Variants in CERCAM observed in about 807,000 individuals in gnomAD.
CERCAM encodes the protein inactive glycosyltransferase 25 family member 3.
A neutral mutation model predicts 66.0 loss-of-function variants in CERCAM; 59 were observed. The ratio of observed to expected loss-of-function variants is 0.89; its 90% CI spans 0.73 to 1.11. The LOEUF (loss-of-function observed/expected upper bound fraction) is 1.11. CERCAM is among the 50% of genes most tolerant of loss of function. The pLI is 0.00. For missense variants in CERCAM, 840 were observed against 828.3 expected (o/e 1.01, Z -0.17); for synonymous variants, 318 against 343.6 (o/e 0.93, Z 0.83).
chr9:128,435,816 G>A lies in CERCAM; in HGVS notation c.1699G>A (p.Gly567Ser), dbSNP rs778783636. 8.7e-6 allele frequency: 14 copies of A among 1,611,574 alleles called. No individual in the cohort carries two copies. Among genetic ancestry groups the A allele is most frequent in the Admixed American group, 5.0e-5 (3 of 59,872 alleles). ...CAGCGGCCGCCTCATCAGCTGGAGCGGCTCCCAAAAGACCCTGCGCAGCCC... is the reference window on the plus strand; with the variant it reads ...CAGCGGCCGCCTCATCAGCTGGAGCAGCTCCCAAAAGACCCTGCGCAGCCC... ...DDSGRLISWS[G>S]SQKTLRSPRL... Residue 567 changes from glycine to serine, a missense_variant, in exon 12 of 13, where the codon GGC becomes AGC. Transcript: ENST00000372838.
At chr9:128,428,680 C>G in intron 6 of CERCAM, 77 bp from the exon 7 acceptor site, 1 of 1,506,382 alleles carries the variant, frequency 6.6e-7, no homozygotes, top group Non-Finnish European at 9.2e-7. Context: ...AGGAATGAGG[C>G]TGGGGGCTAG....
intron 9 of CERCAM, among the ~76,000 whole-genome samples, chr9:128,432,411 G>T (rs577558920): frequency 1.6e-4 from 23 of 147,082 alleles, no homozygotes; most frequent in African/African-American, 4.8e-4. Context: ...TTGAGACAGG[G>T]TATTGCTCTG....
Position 128,434,693 on chromosome 9 carries a change from C to T in CERCAM, c.1535+80C>T, listed in dbSNP as rs538962284. The T allele has an allele frequency of 7.1e-7, 1 of 1,400,758 alleles. No homozygotes were observed. Among genetic ancestry groups the T allele is most frequent in the Non-Finnish European group, 9.7e-7 (1 of 1,028,148 alleles). The allele number at this position is 1,400,758 out of a possible 1,614,324, so 86.8% of individuals were successfully genotyped here. Reference sequence around the variant, plus strand: ...CTCACCTCAGTCAGCAGGAAGTCCCCTCACCTGGCAGATGGGGAGACTGGG... The same window carrying T: ...CTCACCTCAGTCAGCAGGAAGTCCCTTCACCTGGCAGATGGGGAGACTGGG... On this transcript the variant is annotated intron_variant, in intron 11 of 12. Coordinates refer to ENST00000372838, the MANE Select transcript of CERCAM (RefSeq NM_016174.5). The surrounding 1 kb of genome is among the most constrained non-coding windows in gnomAD (Gnocchi z 4.5).
chr9:128,432,600 G>C lies in CERCAM; in HGVS notation c.1203+1297G>C, dbSNP rs192568852. On this transcript the variant is annotated intron_variant, in intron 9 of 12. Transcript: ENST00000372838. ...AGGGTTTCGCCATGTTGGCCAGGCTGATCTCAAACTCCTGAGCTCAAGTGA... is the reference window on the plus strand; with the variant it reads ...AGGGTTTCGCCATGTTGGCCAGGCTCATCTCAAACTCCTGAGCTCAAGTGA... Among the ~76,000 whole-genome samples the C allele has an allele frequency of 2.8e-3, 421 of 150,736 alleles. 1 individual carries two copies. The highest frequency in any genetic ancestry group is 9.5e-3 in the African/African-American group (391 of 41,038).
chr9:128,428,314 A>C lies in CERCAM; in HGVS notation c.779A>C (p.His260Pro). ...YACQAAGVSVHVCNEHRYGYM... is the reference protein window; with the variant it reads ...YACQAAGVSVPVCNEHRYGYM... ...CCTGTCTCTGCAGGGGTCTCCGTCC[A>C]CGTGTGCAATGAGCACCGTTATGGG... The change falls in exon 6 of 13, where the codon CAC becomes CCC. Residue 260 changes from histidine (H) to proline (P), a missense_variant. Physicochemically the swap from His to Pro is moderately conservative, Grantham distance 77. Transcript: ENST00000372838. 6.2e-7 allele frequency: 1 copy of C among 1,613,974 alleles called. No homozygotes were observed. The highest frequency in any genetic ancestry group is 2.2e-5 in the East Asian group (1 of 44,858).
At position 128,434,649 on chromosome 9, in the gene CERCAM, G is replaced by C; in HGVS notation, c.1535+36G>C. The C allele has an allele frequency of 2.5e-6, 4 of 1,582,484 alleles. No homozygotes were observed. Among genetic ancestry groups the C allele is most frequent in the Non-Finnish European group, 3.4e-6 (4 of 1,165,356 alleles). ...GATGGGGGCCGGGCATGGCAGGGCA[G>C]AGGCGTCCCCTCCAGGAACTCACCT... On this transcript the variant is annotated intron_variant, in intron 11 of 12. Coordinates refer to ENST00000372838, the MANE Select transcript of CERCAM (RefSeq NM_016174.5). The surrounding 1 kb of genome is among the most constrained non-coding windows in gnomAD (Gnocchi z 4.5).
intron 8 of CERCAM, among the ~76,000 whole-genome samples, chr9:128,430,206 T>C (rs1438802419): frequency 1.3e-5 from 2 of 152,112 alleles, no homozygotes; most frequent in African/African-American, 4.8e-5. Flanking sequence ...GAGACCAGCC[T>C]GGCCAACCAA....
In CERCAM at chr9:128,431,308, G is replaced by C; in HGVS notation, c.1203+5G>C. On this transcript the variant is annotated splice_donor_5th_base_variant and intron_variant, in intron 9 of 12. Transcript: ENST00000372838. ...CATTACTCCATCTGGGAAGAGGTGA[G>C]GGTGCCTGCTTCCTCCATCCACAGC... 1 of 1,613,908 alleles carries C rather than the reference G, an allele frequency of 6.2e-7. No individual in the cohort carries two copies. Among genetic ancestry groups the C allele is most frequent in the Non-Finnish European group, 8.5e-7 (1 of 1,179,972 alleles).
At chr9:128,419,427 G>A (rs1388546154), upstream of CERCAM, 2 of 152,452 alleles carry the variant, frequency 1.3e-5, no homozygotes, top group African/African-American at 4.8e-5. Flanking sequence ...CGGTGGGAGG[G>A]TGAAGGGGGA....
At chr9:128,433,080 C>G (rs867184100) in intron 9 of CERCAM, among the ~76,000 whole-genome samples, 3 of 151,992 alleles carry the variant, frequency 2.0e-5, no homozygotes, top group Non-Finnish European at 2.9e-5. Context: ...GAGATCGAGA[C>G]CATCCTGGCT....
At chr9:128,424,011 A>T in intron 3 of CERCAM, 127 bp from the exon 4 acceptor site, 1 of 1,028,122 alleles carries the variant, frequency 9.7e-7, no homozygotes, top group Non-Finnish European at 1.4e-6. Flanking sequence ...AGTTTGTGAG[A>T]CCTCTGTAAG....
In CERCAM at chr9:128,428,764, C is replaced by T. The variant is rs1360511844; in HGVS notation, c.894C>T (p.Gly298=). 4.3e-6 allele frequency: 7 copies of T among 1,613,640 alleles called. No homozygotes were observed. The highest frequency in any genetic ancestry group is 5.9e-6 in the Non-Finnish European group (7 of 1,179,894). The change falls in exon 7 of 13, where the codon GGC becomes GGT. Residue 298 remains glycine, a synonymous_variant. Coordinates refer to ENST00000372838, the MANE Select transcript of CERCAM (RefSeq NM_016174.5). ...GTGTGCTTCCCTTTGCAGTGGACGG[C>T]CCCCGCATGCAGGCCTCAGCTCATG... is the stretch of plus-strand genomic sequence containing the variant. The part of the protein sequence containing the change: ...IHLILEALVD[G]PRMQASAHVT...
intron 5 of CERCAM, among the ~76,000 whole-genome samples, chr9:128,426,992 C>A (rs1833860421): frequency 6.6e-6 from 1 of 152,242 alleles, no homozygotes; most frequent in Admixed American, 6.5e-5. Context: ...CTTCAAGCGA[C>A]AGCCGTTGTT....
Position 128,434,510 on chromosome 9 carries a change from G to T in CERCAM, c.1432G>T (p.Ala478Ser). ...GTACTCCTACTGGACGCTGGCCTAT[G>T]CCCTGCGTCTGGCGGGTGCCCGCAA... The part of the protein sequence containing the change: ...AGYSYWTLAY[A>S]LRLAGARKLL... Residue 478 changes from alanine (A) to serine (S), a missense_variant, in exon 11 of 13, where the codon GCC becomes TCC. By Grantham distance (99) the Ala-to-Ser change is moderately conservative. Coordinates refer to ENST00000372838, the MANE Select transcript of CERCAM (RefSeq NM_016174.5). This position sits in a 1 kb window ranked among gnomAD's most constrained non-coding sequence, Gnocchi z 4.5. 1.9e-6 allele frequency: 3 copies of T among 1,613,512 alleles called. No homozygotes were observed. The highest frequency in any genetic ancestry group is 2.5e-6 in the Non-Finnish European group (3 of 1,179,994).
intron 9 of CERCAM, among the ~76,000 whole-genome samples, chr9:128,433,194 G>GC (rs1330395688): frequency 6.6e-5 from 10 of 151,352 alleles, no homozygotes; most frequent in Middle Eastern, 3.5e-3. Context: ...CAGGAGAATG[G>GC]CGTGAACCCA....
intron 9 of CERCAM, among the ~76,000 whole-genome samples, chr9:128,433,661 G>A (rs1459542418): frequency 6.6e-6 from 1 of 152,174 alleles, no homozygotes; most frequent in Non-Finnish European, 1.5e-5. Context: ...GAAAATTGCA[G>A]GAGGCCAAAG....
intron 8 of CERCAM, among the ~76,000 whole-genome samples, chr9:128,430,307 CAGG>C (rs1228970358): frequency 2.0e-5 from 3 of 152,230 alleles, no homozygotes; most frequent in Non-Finnish European, 4.4e-5. Context: ...GAGGCTGAGT[CAGG>C]AGAACTGCTG....
Position 128,435,881 on chromosome 9 carries a change from A to G in CERCAM, c.1764A>G (p.Gln588=), listed in dbSNP as rs758703218. 1 of 1,606,106 alleles carries G rather than the reference A, an allele frequency of 6.2e-7. No individual in the cohort carries two copies. Among genetic ancestry groups the G allele is most frequent in the Admixed American group, 1.7e-5 (1 of 59,774 alleles). Residue 588 remains glutamine, a synonymous_variant, in exon 12 of 13, where the codon CAA becomes CAG. Coordinates refer to ENST00000372838, the MANE Select transcript of CERCAM (RefSeq NM_016174.5). ...DLTGSSGHSL[Q]PQPRDEL ...CTGGCAGCAGCGGGCACAGCCTCCA[A>G]CCCCAGCCCCGAGATGAGCTCTAGG...
chr9:128,426,446 C>T (rs887509904), intron 5 of CERCAM, among the ~76,000 whole-genome samples: 33 of 152,018 alleles, frequency 2.2e-4, no homozygotes, highest in Non-Finnish European at 2.6e-4. Flanking sequence ...CGGTGAAACC[C>T]CGTCTCTACT....
Sources: gnomAD v4.1 joint callset for allele counts (sites outside exome capture counted in the v4.1 genomes callset) on GRCh38, gnomAD v4.1.1 for gene constraint, Gnocchi (gnomAD v3.1) non-coding constraint, MANE v1.5 for transcripts, NCBI Gene and HGNC (gene_info 2026-07-23, HGNC 2026-07-21) for gene names.